Variants in GLG1 observed in about 807,000 individuals in gnomAD.
GLG1 encodes Golgi apparatus protein 1.
GLG1 carries 38 observed loss-of-function variants against 160.5 expected under a neutral mutation model. The observed-to-expected ratio is 0.24, with a 90% CI of 0.18 to 0.31. The LOEUF (loss-of-function observed/expected upper bound fraction) is 0.31, where lower values mean the gene tolerates loss of function less well. Ranked by LOEUF, GLG1 falls within the 10% of genes least tolerant of loss-of-function variation. The pLI is 1.00. For missense variants in GLG1, 1,373 were observed against 1,505.2 expected (o/e 0.91, Z 1.45); for synonymous variants, 644 against 543.4 (o/e 1.19, Z -2.57).
chr16:74,461,936 T>C (rs904066416), intron 22 of GLG1, 158 bp downstream of exon 22: 5 of 565,144 alleles, frequency 8.8e-6, no homozygotes, highest in African/African-American at 3.9e-5. Flanking sequence ...GAATTCAGTG[T>C]TACAAAGAAC....
At chr16:74,550,498 T>C (rs1219489415) in intron 1 of GLG1, among the ~76,000 whole-genome samples, 1 of 152,198 alleles carries the variant, frequency 6.6e-6, no homozygotes, top group East Asian at 1.9e-4. Context: ...GTGGCTTTCA[T>C]TGGCATGGGC....
chr16:74,496,510 C>G lies in GLG1; in HGVS notation c.909G>C (p.Ser303=), dbSNP rs530282832. ...KAILRVAELS[S]DDFHLDRHLY... is the part of the protein sequence containing the mutation. ...AATGCCGGTCTAAGTGAAAGTCATC[C>G]GATGACAGCTCAGCCACCCGGAGAA... Residue 303 remains serine (S), a synonymous_variant, in exon 5 of 26, where the codon TCG becomes TCC. Coordinates refer to ENST00000422840, the MANE Select transcript of GLG1 (RefSeq NM_001145667.2). The G allele has an allele frequency of 2.5e-6, 4 of 1,614,008 alleles. No individual in the cohort carries two copies. In the East Asian group the frequency reaches 6.7e-5, roughly 27 times the overall value.
At chr16:74,480,493 G>C (rs1056892507) in intron 10 of GLG1, 99 bp from the exon 11 acceptor site, 3 of 736,908 alleles carry the variant, frequency 4.1e-6, no homozygotes, top group Non-Finnish European at 2.3e-6. Flanking sequence ...TATACTCATT[G>C]ATAATCACTT....
intron 19 of GLG1, among the ~76,000 whole-genome samples, chr16:74,464,712 AG>A (rs1278334213): frequency 3.9e-5 from 6 of 152,252 alleles, no homozygotes; most frequent in African/African-American, 1.4e-4. Context: ...TCATCAGGCC[AG>A]TTAAAAAGAC....
rs1234077925 is a variant in GLG1 at position 74,447,985 on chromosome 16, T to G, written c.*5182A>C. Reference sequence around the variant, plus strand: ...TGCACACAGCACAGTGTCCTATACATGTGTCCTGGTGGAGCAGAGGGAGCG... The same window carrying G: ...TGCACACAGCACAGTGTCCTATACAGGTGTCCTGGTGGAGCAGAGGGAGCG... On this transcript the variant is annotated 3_prime_UTR_variant, in exon 26 of 26. Coordinates refer to ENST00000422840, the MANE Select transcript of GLG1 (RefSeq NM_001145667.2). The G allele has an allele frequency of 6.6e-6, 1 of 152,330 alleles. No homozygotes were observed. Among genetic ancestry groups the G allele is most frequent in the African/African-American group, 2.4e-5 (1 of 41,454 alleles). The allele number at this position is 152,330 out of a possible 1,614,324, so 9.4% of individuals were successfully genotyped here.
chr16:74,472,642 A>G (rs1288544516), intron 13 of GLG1: 2 of 1,174,956 alleles, frequency 1.7e-6, no homozygotes, highest in East Asian at 6.5e-5. Context: ...GGCCTGAACA[A>G]ATGAGAAGGC....
chr16:74,499,484 A>C (rs1430595805), intron 4 of GLG1, among the ~76,000 whole-genome samples: 1 of 152,174 alleles, frequency 6.6e-6, no homozygotes, highest in African/African-American at 2.4e-5. Flanking sequence ...TTGTGTTATA[A>C]ATGTCTCCAG....
At chr16:74,462,990 C>A in intron 20 of GLG1, 2 of 413,056 alleles carry the variant, frequency 4.8e-6, no homozygotes, top group Non-Finnish European at 4.3e-6. Context: ...TGACCATTAA[C>A]TTACGAGGTC....
intron 22 of GLG1, 133 bp downstream of exon 22, chr16:74,461,961 T>G (rs2014814776): frequency 1.7e-6 from 1 of 598,486 alleles, no homozygotes; most frequent in African/African-American, 1.9e-5. Context: ...ATGCAGACCA[T>G]GGAGAGCCTA....
At chr16:74,455,941 TCTCA>T (rs1383228552) in intron 25 of GLG1, among the ~76,000 whole-genome samples, 1 of 152,152 alleles carries the variant, frequency 6.6e-6, no homozygotes, top group Non-Finnish European at 1.5e-5. Context: ...CTGTTATTCT[TCTCA>T]CTGAGGCTGA....
chr16:74,602,707 C>A (rs140525519), intron 1 of GLG1, among the ~76,000 whole-genome samples: 89 of 151,784 alleles, frequency 5.9e-4, no homozygotes, highest in African/African-American at 2.0e-3. Context: ...CGCTTGAACT[C>A]GGGAGGCTGA....
chr16:74,605,341 T>C lies in GLG1; in HGVS notation c.438+1316A>G, dbSNP rs765043721. 5.9e-5 allele frequency among the ~76,000 whole-genome samples: 9 copies of C among 152,218 alleles called. 1 individual carries two copies. Among genetic ancestry groups the C allele is most frequent in the Admixed American group, 1.3e-4 (2 of 15,282 alleles). On this transcript the variant is annotated intron_variant, in intron 1 of 25. Coordinates refer to ENST00000422840, the MANE Select transcript of GLG1 (RefSeq NM_001145667.2). ...ATAGGCCACTTTTTGCCACTTTCCC[T>C]AATAATGTGCTGTTTCTACCACAAA...
At chr16:74,495,948 G>T (rs1256044654) in intron 5 of GLG1, among the ~76,000 whole-genome samples, 1 of 152,004 alleles carries the variant, frequency 6.6e-6, no homozygotes, top group South Asian at 2.1e-4. Context: ...TTTCTTGATG[G>T]CTTATTTTAC....
In GLG1 at chr16:74,459,809, A is replaced by G; in HGVS notation, c.3037-20T>C. The G allele has an allele frequency of 1.5e-6, 2 of 1,290,412 alleles. No homozygotes were observed. The highest frequency in any genetic ancestry group is 2.6e-5 in the South Asian group (2 of 78,296). 79.9% of individuals were successfully genotyped at this position (1,290,412 alleles called of 1,614,324 possible). A position where few individuals can be genotyped will look rare whatever the true frequency, so the allele number is the denominator to read the frequency against. On this transcript the variant is annotated intron_variant, in intron 22 of 25. Transcript: ENST00000422840. ...GGAGATCTGTTCAGGAGACACAAAAAACAAAGCTACCCCACTGAGCACAGA... is the reference window on the plus strand; with the variant it reads ...GGAGATCTGTTCAGGAGACACAAAAGACAAAGCTACCCCACTGAGCACAGA...
At chr16:74,512,556 G>A (rs949786374) in intron 2 of GLG1, among the ~76,000 whole-genome samples, 9 of 152,082 alleles carry the variant, frequency 5.9e-5, no homozygotes, top group Middle Eastern at 3.4e-3. Flanking sequence ...GAGTCATCGC[G>A]CCTGGCCTCA....
At chr16:74,593,036 C>G (rs1019486504) in intron 1 of GLG1, among the ~76,000 whole-genome samples, 1 of 152,146 alleles carries the variant, frequency 6.6e-6, no homozygotes, top group African/African-American at 2.4e-5. Context: ...CCCGCCCTCC[C>G]TCTTGCATTC....
At chr16:74,506,604 A>AAAAAAAAAAAC (rs1555511216) in intron 3 of GLG1, among the ~76,000 whole-genome samples, 38 of 142,930 alleles carry the variant, frequency 2.7e-4, no homozygotes, top group Non-Finnish European at 4.5e-4. Context: ...AAAAAAAAAA[A>AAAAAAAAAAAC]CTCAAGAGAA....
At chr16:74,554,821 C>T (rs943107801) in intron 1 of GLG1, among the ~76,000 whole-genome samples, 2 of 152,122 alleles carry the variant, frequency 1.3e-5, no homozygotes, top group Admixed American at 6.5e-5. Flanking sequence ...GACCTACTGA[C>T]AGATGCCCAA....
intron 1 of GLG1, among the ~76,000 whole-genome samples, chr16:74,589,796 G>A (rs1368205236): frequency 3.3e-5 from 5 of 152,124 alleles, no homozygotes; most frequent in South Asian, 2.1e-4. Context: ...TCTTGGCCGA[G>A]CACGGTGGTA....
Sources: allele counts gnomAD v4.1 joint callset (sites outside exome capture counted in the v4.1 genomes callset), GRCh38; gene constraint gnomAD v4.1.1; transcripts MANE v1.5; gene names NCBI Gene and HGNC (gene_info 2026-07-23, HGNC 2026-07-21).